SMYD3: variants seen among roughly 807,000 people sequenced by gnomAD.
The protein encoded by SMYD3 is histone-lysine N-methyltransferase SMYD3.
SMYD3 carries 36 observed loss-of-function variants against 57.7 expected under a neutral mutation model. The observed-to-expected ratio is 0.62, with a 90% confidence interval of 0.48 to 0.82. The LOEUF (loss-of-function observed/expected upper bound fraction) is 0.82. Among genes scored for constraint, SMYD3 ranks in the 40% least tolerant of loss-of-function variants. The pLI is 0.00. For synonymous variants in SMYD3, 211 were observed against 195.0 expected (o/e 1.08, Z -0.68); for missense variants, 515 against 538.8 (o/e 0.96, Z 0.44).
intron 1 of SMYD3, among the ~76,000 whole-genome samples, chr1:246,492,426 G>A (rs1446022540): frequency 6.6e-6 from 1 of 152,062 alleles, no homozygotes. Flanking sequence ...GGAGGAAAAA[G>A]GACAAACGAT....
chr1:245,785,502 C>G (rs2046998147), intron 10 of SMYD3, among the ~76,000 whole-genome samples: 1 of 152,114 alleles, frequency 6.6e-6, no homozygotes, highest in South Asian at 2.1e-4. Context: ...GCCAAAGAAG[C>G]ATTAATTTAC....
chr1:246,050,858 A>G (rs995260909), intron 5 of SMYD3, among the ~76,000 whole-genome samples: 9 of 152,166 alleles, frequency 5.9e-5, no homozygotes, highest in Non-Finnish European at 1.3e-4. Context: ...CTATCAAATT[A>G]TATTTTAATA....
chr1:246,451,261 C>T (rs1267829418), intron 1 of SMYD3, among the ~76,000 whole-genome samples: 1 of 152,172 alleles, frequency 6.6e-6, no homozygotes, highest in Non-Finnish European at 1.5e-5. Context: ...TTCAGCCATT[C>T]AAAACCAACA....
intron 5 of SMYD3, among the ~76,000 whole-genome samples, chr1:246,162,235 T>G (rs1326999790): frequency 2.0e-5 from 3 of 151,724 alleles, no homozygotes; most frequent in African/African-American, 7.3e-5. Context: ...GAAAAGAGAG[T>G]CTTACCTCAA....
chr1:246,140,506 T>C (rs1037714741), intron 5 of SMYD3, among the ~76,000 whole-genome samples: 4 of 152,258 alleles, frequency 2.6e-5, no homozygotes, highest in African/African-American at 4.8e-5. Flanking sequence ...GTGTCCACCA[T>C]CTTCATTGAA....
At chr1:246,341,742 C>T (rs1205108608) in intron 2 of SMYD3, among the ~76,000 whole-genome samples, 2 of 152,118 alleles carry the variant, frequency 1.3e-5, no homozygotes, top group South Asian at 2.1e-4. Flanking sequence ...TATCATATTT[C>T]CCTCTCCTCT....
intron 11 of SMYD3, among the ~76,000 whole-genome samples, chr1:245,756,780 T>G (rs891535968): frequency 3.3e-5 from 5 of 150,106 alleles, no homozygotes; most frequent in African/African-American, 1.2e-4. Context: ...TTGTCATTTT[T>G]CTCTTGCTGC....
chr1:246,347,163 G>A (rs1443557942), intron 2 of SMYD3, among the ~76,000 whole-genome samples: 1 of 151,650 alleles, frequency 6.6e-6, no homozygotes, highest in Non-Finnish European at 1.5e-5. Context: ...AAAAAAAACA[G>A]AATATCCAAG....
chr1:246,264,875 G>C (rs1204515055), intron 5 of SMYD3, among the ~76,000 whole-genome samples: 1 of 152,082 alleles, frequency 6.6e-6, no homozygotes, highest in East Asian at 1.9e-4. Context: ...CACTTTACAT[G>C]GACTTTGTTA....
chr1:246,481,433 T>C (rs1553354739), intron 1 of SMYD3, among the ~76,000 whole-genome samples: 1 of 147,610 alleles, frequency 6.8e-6, no homozygotes, highest in Non-Finnish European at 1.5e-5. Flanking sequence ...AAAGGGTGAA[T>C]TCTCTCTCTC....
intron 1 of SMYD3, among the ~76,000 whole-genome samples, chr1:246,374,945 C>T: frequency 6.6e-6 from 1 of 151,840 alleles, no homozygotes; most frequent in East Asian, 1.9e-4. Flanking sequence ...ATACAAAAAT[C>T]AGCAGGGCAT....
At chr1:245,942,883 T>C (rs938681019) in intron 5 of SMYD3, among the ~76,000 whole-genome samples, 1 of 152,096 alleles carries the variant, frequency 6.6e-6, no homozygotes, top group Non-Finnish European at 1.5e-5. Context: ...CCTGAATGAC[T>C]CCTGGGTAAA....
At chr1:245,801,162 T>A (rs2047841342) in intron 10 of SMYD3, among the ~76,000 whole-genome samples, 1 of 152,224 alleles carries the variant, frequency 6.6e-6, no homozygotes, top group African/African-American at 2.4e-5. Context: ...TTTATTTTTG[T>A]CTGGGTGTGC....
At chr1:246,076,933 G>C (rs1473252691) in intron 5 of SMYD3, among the ~76,000 whole-genome samples, 1 of 152,194 alleles carries the variant, frequency 6.6e-6, no homozygotes. Flanking sequence ...AAACAAAGCT[G>C]ACTGTTTCAT....
chr1:245,990,238 C>A (rs2058787891), intron 5 of SMYD3, among the ~76,000 whole-genome samples: 1 of 152,016 alleles, frequency 6.6e-6, no homozygotes, highest in African/African-American at 2.4e-5. Context: ...TACAGGCCTG[C>A]ACCACCACAC....
Position 246,280,064 on chromosome 1 carries a change from A to G in SMYD3, c.531+47137T>C, listed in dbSNP as rs116500760. ...ATGTGAATGCCATACATTAGGTTGC[A>G]AAGAAAAGGCCATTCATATCCACGA... On this transcript the variant is annotated intron_variant, in intron 5 of 11. Coordinates refer to ENST00000490107, the MANE Select transcript of SMYD3 (RefSeq NM_001167740.2). Among the ~76,000 whole-genome samples, 1,060 of 152,342 alleles carry G rather than the reference A, an allele frequency of 7.0e-3. 16 individuals carry two copies. Among genetic ancestry groups the G allele is most frequent in the African/African-American group, 0.024 (992 of 41,576 alleles).
chr1:245,890,087 G>C (rs1192239177), intron 8 of SMYD3, among the ~76,000 whole-genome samples: 1 of 152,102 alleles, frequency 6.6e-6, no homozygotes, highest in Non-Finnish European at 1.5e-5. Context: ...AACCAAGATG[G>C]ATTAACGACT....
At chr1:245,761,156 G>C (rs2045827019) in intron 11 of SMYD3, among the ~76,000 whole-genome samples, 1 of 152,134 alleles carries the variant, frequency 6.6e-6, no homozygotes, top group East Asian at 1.9e-4. Flanking sequence ...GTTTGGGTAA[G>C]GCCACCATTT....
chr1:245,901,185 C>A lies in SMYD3; in HGVS notation c.813+14345G>T, dbSNP rs545850905. On this transcript the variant is annotated intron_variant, in intron 8 of 11. Coordinates refer to ENST00000490107, the MANE Select transcript of SMYD3 (RefSeq NM_001167740.2). ...GGAGCATTAGGTTTAGTCATGACAT[C>A]TGGGTGTCAGACTTGGTTTTGCCAC... Among the ~76,000 whole-genome samples the A allele has an allele frequency of 1.6e-4, 25 of 152,272 alleles. No individual in the cohort carries two copies. The East Asian group carries it at 4.4e-3, about 27-fold the overall frequency.
Sources: gnomAD v4.1 joint callset for allele counts (sites outside exome capture counted in the v4.1 genomes callset) on GRCh38, gnomAD v4.1.1 for gene constraint, MANE v1.5 for transcripts, NCBI Gene and HGNC (gene_info 2026-07-23, HGNC 2026-07-21) for gene names.